The following TFG variants were observed in gnomAD, a reference collection of about 807,000 sequenced individuals.
TFG encodes protein TFG.
A neutral mutation model predicts 51.4 loss-of-function variants in TFG; 22 were observed. That is an observed-to-expected ratio of 0.43 (90% CI 0.31 to 0.61). The LOEUF is 0.61. TFG is among the 20% of genes least tolerant of loss of function. The pLI is 0.12. For missense variants in TFG, 419 were observed against 487.7 expected, an observed-to-expected ratio of 0.86 and a Z score of 1.33; for synonymous variants, 187 against 165.6, an observed-to-expected ratio of 1.13 and a Z score of -0.99.
chr3:100,748,598 T>A lies in TFG; in HGVS notation c.*67T>A. 6.9e-7 allele frequency: 1 copy of A among 1,458,236 alleles called. No individual in the cohort carries two copies. Among genetic ancestry groups the A allele is most frequent in the Non-Finnish European group, 9.2e-7 (1 of 1,091,866 alleles). 90.3% of individuals were successfully genotyped at this position (1,458,236 alleles called of 1,614,324 possible). ...GCCTCCCAAAAGACTCCAGTACTAT[T>A]TTAATTTGTATTGAAGAAGTTCAGA... is the stretch of plus-strand genomic sequence containing the variant. On this transcript the variant is annotated 3_prime_UTR_variant, in exon 8 of 8. Transcript: ENST00000240851.
At chr3:100,722,669 C>T (rs1046310000) in intron 3 of TFG, among the ~76,000 whole-genome samples, 1 of 152,158 alleles carries the variant, frequency 6.6e-6, no homozygotes, top group Non-Finnish European at 1.5e-5. Context: ...AACAATTAGA[C>T]TGTTAGTAGA....
chr3:100,745,130 G>T (rs1264682970), intron 7 of TFG, among the ~76,000 whole-genome samples, 199 bp downstream of exon 7: 3 of 151,978 alleles, frequency 2.0e-5, no homozygotes, highest in Non-Finnish European at 4.4e-5. Flanking sequence ...TTCTGGTGGG[G>T]AGATAAAACT....
intron 2 of TFG, among the ~76,000 whole-genome samples, chr3:100,717,034 T>A (rs2095048314): frequency 6.6e-6 from 1 of 152,192 alleles, no homozygotes; most frequent in Admixed American, 6.5e-5. Flanking sequence ...AGAAAAGTTT[T>A]CCAGTTTGAG....
chr3:100,740,825 T>G (rs543860232), intron 6 of TFG, among the ~76,000 whole-genome samples: 137 of 152,178 alleles, frequency 9.0e-4, no homozygotes, highest in Non-Finnish European at 1.8e-3. Context: ...CATTGATTCT[T>G]TTTGAAAATA....
intron 7 of TFG, among the ~76,000 whole-genome samples, 162 bp from the exon 8 acceptor site, chr3:100,747,987 T>C (rs1009718892): frequency 6.6e-6 from 1 of 152,224 alleles, no homozygotes; most frequent in African/African-American, 2.4e-5. Context: ...TGATAACTAC[T>C]TGGTCTTGAA....
intron 3 of TFG, among the ~76,000 whole-genome samples, chr3:100,722,484 T>G (rs2095063582): frequency 6.6e-6 from 1 of 152,098 alleles, no homozygotes; most frequent in South Asian, 2.1e-4. Context: ...CTAAAGAAAT[T>G]TTCAGAGTTA....
chr3:100,713,519 A>G (rs905845359), intron 1 of TFG, 124 bp from the exon 2 acceptor site: 1 of 418,652 alleles, frequency 2.4e-6, no homozygotes, highest in Non-Finnish European at 4.2e-6. Flanking sequence ...ATTTTAACAT[A>G]AATATGGTAA....
intron 3 of TFG, among the ~76,000 whole-genome samples, chr3:100,720,627 A>T (rs983943312): frequency 2.0e-5 from 3 of 152,054 alleles, no homozygotes; most frequent in African/African-American, 7.2e-5. Context: ...CCACCACTTA[A>T]CCTCCTGCTG....
At chr3:100,733,824 G>C (rs10936346) in intron 5 of TFG, among the ~76,000 whole-genome samples, 56,636 of 152,026 alleles carry the variant, frequency 0.37, 10,766 homozygotes, top group South Asian at 0.49. Context: ...CTCTCTAAAA[G>C]AAAAAGGTAT....
At chr3:100,742,845 A>G (rs2149094643) in intron 6 of TFG, 1 of 152,104 alleles carries the variant, frequency 6.6e-6, no homozygotes, top group South Asian at 2.1e-4. Context: ...TTTTAACTCT[A>G]GGGATGTTTT....
At chr3:100,744,799 T>G in intron 6 of TFG, 34 bp from the exon 7 acceptor site, 1 of 1,473,018 alleles carries the variant, frequency 6.8e-7, no homozygotes, top group Non-Finnish European at 9.5e-7. Context: ...TAAACATGCC[T>G]TTTTTCCTTG....
intron 4 of TFG, among the ~76,000 whole-genome samples, chr3:100,732,089 A>G (rs992528161): frequency 4.6e-5 from 7 of 152,162 alleles, no homozygotes; most frequent in African/African-American, 1.7e-4. Context: ...ACCTTAGTTC[A>G]GTTTCTTTTT....
In TFG at chr3:100,731,205, G is replaced by T. The variant is rs115659798; in HGVS notation, c.416-1303G>T. ...CTTGGTAACAAAAGTGATAATCATT[G>T]TCCCTTAATTGAGTAAATGGTTAGC... is the stretch of plus-strand genomic sequence containing the variant. On this transcript the variant is annotated intron_variant, in intron 4 of 7. Transcript: ENST00000240851. Among the ~76,000 whole-genome samples the T allele has an allele frequency of 3.4e-3, 523 of 152,238 alleles. 5 individuals carry two copies. Among genetic ancestry groups the T allele is most frequent in the Non-Finnish European group, 5.0e-3 (342 of 68,008 alleles).
intron 1 of TFG, among the ~76,000 whole-genome samples, chr3:100,713,435 GA>G (rs531673175): frequency 1.4e-3 from 212 of 152,084 alleles, no homozygotes; most frequent in South Asian, 3.7e-3. Context: ...TTAAATATGA[GA>G]AAAAATAATA....
At chr3:100,720,112 A>T (rs963189062) in intron 3 of TFG, 54 bp downstream of exon 3, 1 of 1,190,290 alleles carries the variant, frequency 8.4e-7, no homozygotes, top group South Asian at 1.5e-5. Context: ...TATTTTAAAG[A>T]TGTTTGGCTT....
Position 100,728,844 on chromosome 3 carries a change from A to C in TFG, c.401A>C (p.Asn134Thr). 1 of 1,604,788 alleles carries C rather than the reference A, an allele frequency of 6.2e-7. No individual in the cohort carries two copies. Among genetic ancestry groups the C allele is most frequent in the African/African-American group, 1.3e-5 (1 of 74,324 alleles). Residue 134 changes from asparagine to threonine, a missense_variant, in exon 4 of 8, where the codon AAT becomes ACT. Around this residue, in one of 3 missense-constraint regions of TFG, gnomAD observed 391 missense variants for 434.4 expected, o/e 0.90. Coordinates refer to ENST00000240851, the MANE Select transcript of TFG (RefSeq NM_006070.6). The part of the protein sequence containing the change: ...EPPGEPGPST[N>T]IPENDTVDGR... ...CCTGGAGAACCAGGACCTTCCACCAATATTCCTGAAAATGGTAAACCCTGA... is the reference window on the plus strand; with the variant it reads ...CCTGGAGAACCAGGACCTTCCACCACTATTCCTGAAAATGGTAAACCCTGA...
chr3:100,732,122 A>G (rs372174157), intron 4 of TFG, among the ~76,000 whole-genome samples: 1 of 152,148 alleles, frequency 6.6e-6, no homozygotes, highest in Admixed American at 6.5e-5. Flanking sequence ...CTTAGTTCCT[A>G]TAATTATTAT....
intron 2 of TFG, among the ~76,000 whole-genome samples, chr3:100,715,218 GT>G (rs1367291106): frequency 6.6e-6 from 1 of 152,216 alleles, no homozygotes; most frequent in Non-Finnish European, 1.5e-5. Context: ...TGGTTTAATA[GT>G]TGAGAAATCT....
chr3:100,716,044 C>G (rs2095044961), intron 2 of TFG, among the ~76,000 whole-genome samples: 1 of 152,086 alleles, frequency 6.6e-6, no homozygotes, highest in Non-Finnish European at 1.5e-5. Context: ...TCCATCACCT[C>G]AAATATTTAT....
Sources: allele counts gnomAD v4.1 joint callset (sites outside exome capture counted in the v4.1 genomes callset), GRCh38; gene constraint gnomAD v4.1.1; regional missense constraint gnomAD v4.1.1; transcripts MANE v1.5; gene names NCBI Gene and HGNC (gene_info 2026-07-23, HGNC 2026-07-21).